The following SLITRK3 variants were observed in gnomAD, a reference collection of about 807,000 sequenced individuals.
The protein encoded by SLITRK3 is SLIT and NTRK like family member 3, also known as SLIT and NTRK-like protein 3.
Under a neutral mutation model 63.6 loss-of-function variants are expected in SLITRK3, and 16 were observed. The ratio of observed to expected loss-of-function variants is 0.25; its 90% CI spans 0.17 to 0.38. The LOEUF (loss-of-function observed/expected upper bound fraction) is 0.38, where lower values mean the gene tolerates loss of function less well. Ranked by LOEUF, SLITRK3 falls within the 10% of genes least tolerant of loss-of-function variation. SLITRK3 has a pLI of 1.00. For synonymous variants in SLITRK3, 547 were observed against 451.6 expected (o/e 1.21, Z -2.68); for missense variants, 1,117 against 1,181.4 (o/e 0.95, Z 0.80).
intron 1 of SLITRK3, among the ~76,000 whole-genome samples, chr3:165,195,340 A>G (rs1034796861): frequency 2.0e-5 from 3 of 152,074 alleles, no homozygotes; most frequent in African/African-American, 4.8e-5. Context: ...TATTTGTTGG[A>G]GTTACTTACG....
Position 165,187,791 on chromosome 3 carries a change from G to T in SLITRK3, c.*106C>A. 1 of 913,904 alleles carries T rather than the reference G, an allele frequency of 1.1e-6. No individual in the cohort carries two copies. Among genetic ancestry groups the T allele is most frequent in the Non-Finnish European group, 1.7e-6 (1 of 600,794 alleles). The allele number at this position is 913,904 out of a possible 1,614,324, so 56.6% of individuals were successfully genotyped here. ...TTTTGTTCAGGGTAGGAAAGATCGT[G>T]AGGATGGAGTTACTGGGACAAGTGT... On this transcript the variant is annotated 3_prime_UTR_variant, in exon 2 of 2. Transcript: ENST00000475390.
In SLITRK3 at chr3:165,190,773, G is replaced by A. The variant is rs770336223; in HGVS notation, c.58C>T (p.Leu20=). 5 of 1,612,448 alleles carry A rather than the reference G, an allele frequency of 3.1e-6. No individual in the cohort carries two copies. The highest frequency in any genetic ancestry group is 4.2e-6 in the Non-Finnish European group (5 of 1,179,414). ...GTCCATCCTAGAGCAATTGTGCTTAGAAGAATTATCCACAACATCCTTCCT... is the reference window on the plus strand; with the variant it reads ...GTCCATCCTAGAGCAATTGTGCTTAAAAGAATTATCCACAACATCCTTCCT... The part of the protein sequence containing the change: ...HRGRMLWIIL[L]STIALGWTTP... Residue 20 remains leucine, a synonymous_variant, in exon 2 of 2, where the codon CTA becomes TTA. Transcript: ENST00000475390.
intron 1 of SLITRK3, 135 bp from the exon 2 acceptor site, chr3:165,190,986 G>C: frequency 1.7e-6 from 1 of 602,546 alleles, no homozygotes; most frequent in African/African-American, 1.8e-5. Flanking sequence ...AGATGAGCTA[G>C]CAACATACTT....
At chr3:165,196,897 G>GTCTCTGTCTCTCTCTCTCTCTCTCTC (rs1553792802), upstream of SLITRK3, 2 of 96,528 alleles carry the variant, frequency 2.1e-5, no homozygotes, top group South Asian at 4.5e-4. Context: ...CTCTCTCTCT[G>GTCTCTGTCTCTCTCTCTCTCTCTCTC]TCTCTCTCTC....
In SLITRK3 at chr3:165,190,203, C is replaced by A. The variant is rs1576970039; in HGVS notation, c.628G>T (p.Val210Phe). 5.6e-6 allele frequency: 9 copies of A among 1,614,200 alleles called. No individual in the cohort carries two copies. The highest frequency in any genetic ancestry group is 7.6e-6 in the Non-Finnish European group (9 of 1,180,030). The change falls in exon 2 of 2, where the codon GTT becomes TTT. Residue 210 changes from valine to phenylalanine, a missense_variant. Coordinates refer to ENST00000475390, the MANE Select transcript of SLITRK3 (RefSeq NM_001318810.2). ...HLDLRGNRLKVLFYRGMLDHI... is the reference protein window; with the variant it reads ...HLDLRGNRLKFLFYRGMLDHI... ...TCTAGCATTCCTCGGTAAAAAAGAA[C>A]CTTTAACCTATTTCCACGTAGGTCC...
rs371654117 is a variant in SLITRK3, at chr3:165,191,140, A to G, written c.-21-289T>C. Among the ~76,000 whole-genome samples the G allele has an allele frequency of 2.6e-5, 4 of 152,342 alleles. No individual in the cohort carries two copies. In the East Asian group the frequency reaches 7.7e-4, roughly 29 times the overall value. On this transcript the variant is annotated intron_variant, in intron 1 of 1. Coordinates refer to ENST00000475390, the MANE Select transcript of SLITRK3 (RefSeq NM_001318810.2). ...AGCCTGCATTGCCTCTGTATAACAAACAACAGAACTGGTATATCGTACTTC... is the reference window on the plus strand; with the variant it reads ...AGCCTGCATTGCCTCTGTATAACAAGCAACAGAACTGGTATATCGTACTTC...
At position 165,187,349 on chromosome 3, in the gene SLITRK3, C is replaced by G. The variant is rs1041495991; in HGVS notation, c.*548G>C. On this transcript the variant is annotated 3_prime_UTR_variant, in exon 2 of 2. Coordinates refer to ENST00000475390, the MANE Select transcript of SLITRK3 (RefSeq NM_001318810.2). Reference sequence around the variant, plus strand: ...AAGATAGTGAGTGAGAACATTCGAGCAAGACCCGCCCCCTCCCTCCCCATC... The same window carrying G: ...AAGATAGTGAGTGAGAACATTCGAGGAAGACCCGCCCCCTCCCTCCCCATC... 6.6e-6 allele frequency: 1 copy of G among 152,138 alleles called. No individual in the cohort carries two copies. 9.4% of individuals were successfully genotyped at this position (152,138 alleles called of 1,614,324 possible). A position where few individuals can be genotyped will look rare whatever the true frequency, so the allele number is the denominator to read the frequency against.
Position 165,188,981 on chromosome 3 carries a change from A to G in SLITRK3, c.1850T>C (p.Val617Ala). 6.2e-7 allele frequency: 1 copy of G among 1,614,186 alleles called. No individual in the cohort carries two copies. Among genetic ancestry groups the G allele is most frequent in the Non-Finnish European group, 8.5e-7 (1 of 1,180,026 alleles). The change falls in exon 2 of 2, where the codon GTT becomes GCT. Residue 617 changes from valine to alanine, a missense_variant. Physicochemically the swap from Val to Ala is moderately conservative, Grantham distance 64. This residue lies in a region of SLITRK3 where 499 missense variants were observed against 463.6 expected (regional missense o/e 1.08). Coordinates refer to ENST00000475390, the MANE Select transcript of SLITRK3 (RefSeq NM_001318810.2). ...GGCTGGGGATTCTCCAGCTGGTGCA[A>G]CGTGCAGCATCTCTGGGCAAAGAAC... Reference protein sequence around the residue: ...LEVLCPEMLHVAPAGESPAQP... With the variant: ...LEVLCPEMLHAAPAGESPAQP...
chr3:165,190,575 T>A lies in SLITRK3; in HGVS notation c.256A>T (p.Arg86Trp). The change falls in exon 2 of 2, where the codon AGG (arginine) becomes TGG (tryptophan). Residue 86 changes from arginine to tryptophan, a missense_variant. Physicochemically the swap from Arg to Trp is moderately radical, Grantham distance 101. This residue lies in a region of SLITRK3 where 452 missense variants were observed against 495.3 expected (regional missense o/e 0.91). Coordinates refer to ENST00000475390, the MANE Select transcript of SLITRK3 (RefSeq NM_001318810.2). ...GTATATAATTTCCTCATAGAATTCC[T>A]CTGCAGATACAGTTTAAAAGGTCTT... ...WSRPFKLYLQ[R>W]NSMRKLYTNS... The A allele has an allele frequency of 2.5e-6, 4 of 1,613,976 alleles. No individual in the cohort carries two copies. Among genetic ancestry groups the A allele is most frequent in the Non-Finnish European group, 1.7e-6 (2 of 1,179,988 alleles).
chr3:165,196,683 C>T (rs1423797613), upstream of SLITRK3: 2 of 152,208 alleles, frequency 1.3e-5, no homozygotes, highest in Admixed American at 6.5e-5. Flanking sequence ...ATCCATCAGC[C>T]GCCCCCAAAT....
Position 165,188,758 on chromosome 3 carries a change from C to T in SLITRK3, c.2073G>A (p.Lys691=). The change falls in exon 2 of 2, where the codon AAG becomes AAA. Residue 691 remains lysine, a synonymous_variant. Coordinates refer to ENST00000475390, the MANE Select transcript of SLITRK3 (RefSeq NM_001318810.2). ...RRRKKLPFRS[K]RQEGVDLTGI... ...CAGTAAGGTCCACACCTTCCTGCCG[C>T]TTGCTTCTGAAGGGCAGCTTCTTTC... The T allele has an allele frequency of 1.2e-6, 2 of 1,614,180 alleles. No homozygotes were observed. Among genetic ancestry groups the T allele is most frequent in the African/African-American group, 1.3e-5 (1 of 75,034 alleles).
Position 165,189,645 on chromosome 3 carries a change from C to G in SLITRK3, c.1186G>C (p.Gly396Arg). 1 of 1,614,146 alleles carries G rather than the reference C, an allele frequency of 6.2e-7. No homozygotes were observed. The highest frequency in any genetic ancestry group is 8.5e-7 in the Non-Finnish European group (1 of 1,180,040). ...LGLTVNCKER[G>R]FNNISELLPR... is the part of the protein sequence containing the mutation. ...AGAAGTTCAGAAATGTTATTAAATC[C>G]TCGCTCTTTGCAGTTGACAGTCAAG... The change falls in exon 2 of 2, where the codon GGA becomes CGA. Residue 396 changes from glycine (G) to arginine (R), a missense_variant. Gly to Arg is a moderately radical substitution (Grantham distance 125). Coordinates refer to ENST00000475390, the MANE Select transcript of SLITRK3 (RefSeq NM_001318810.2). The surrounding 1 kb of genome is among the most constrained non-coding windows in gnomAD (Gnocchi z 4.0).
In SLITRK3 at chr3:165,189,859, G is replaced by A. The variant is rs762056590; in HGVS notation, c.972C>T (p.Val324=). 5.0e-6 allele frequency: 8 copies of A among 1,614,106 alleles called. No individual in the cohort carries two copies. The highest frequency in any genetic ancestry group is 4.5e-5 in the East Asian group (2 of 44,866). The change falls in exon 2 of 2, where the codon GTC becomes GTT. Residue 324 remains valine, a synonymous_variant. Transcript: ENST00000475390. This position sits in a 1 kb window ranked among gnomAD's most constrained non-coding sequence, Gnocchi z 4.0. ...LSSVHFTASS[V]EYKSSNKQPK... ...GCTGTTTATTTGAGGACTTGTATTC[G>A]ACAGAAGAAGCAGTAAAATGAACAG...
In SLITRK3 at chr3:165,188,115, T is replaced by C. The variant is rs1718027258; in HGVS notation, c.2716A>G (p.Thr906Ala). 1 of 1,613,532 alleles carries C rather than the reference T, an allele frequency of 6.2e-7. No individual in the cohort carries two copies. Among genetic ancestry groups the C allele is most frequent in the African/African-American group, 1.3e-5 (1 of 74,756 alleles). The change falls in exon 2 of 2, where the codon ACA becomes GCA. Residue 906 changes from threonine (T) to alanine (A), a missense_variant. By Grantham distance (58) the Thr-to-Ala change is moderately conservative. Around this residue, in one of 4 missense-constraint regions of SLITRK3, gnomAD observed 499 missense variants for 463.6 expected, o/e 1.08. Coordinates refer to ENST00000475390, the MANE Select transcript of SLITRK3 (RefSeq NM_001318810.2). The stretch of plus-strand genomic sequence containing the variant: ...TGCAGTTCCTTTAATTTGGGCACTG[T>C]TCCATAGAGACAGTCCACAAATCCC... ...TVGFVDCLYGTVPKLKELHVH... is the reference protein window; with the variant it reads ...TVGFVDCLYGAVPKLKELHVH...
chr3:165,191,804 T>G (rs1294214481), intron 1 of SLITRK3, among the ~76,000 whole-genome samples: 1 of 151,794 alleles, frequency 6.6e-6, no homozygotes, highest in African/African-American at 2.4e-5. Flanking sequence ...AGAGGGGAGG[T>G]GGGTAGTTAA....
rs749272410 is a variant in SLITRK3, at chr3:165,190,623, T to G, written c.208A>C (p.Ser70Arg). 1.9e-6 allele frequency: 3 copies of G among 1,613,952 alleles called. No homozygotes were observed. The change falls in exon 2 of 2, where the codon AGT (serine) becomes CGT (arginine). Residue 70 changes from serine (S) to arginine (R), a missense_variant. Around this residue, in one of 4 missense-constraint regions of SLITRK3, gnomAD observed 452 missense variants for 495.3 expected, o/e 0.91. Coordinates refer to ENST00000475390, the MANE Select transcript of SLITRK3 (RefSeq NM_001318810.2). ...CTTGACCAGAACTCGGTAATCTGAC[T>G]AATATTTGTAAATCCTTTACTGTCA... is the stretch of plus-strand genomic sequence containing the variant. ...HCDSKGFTNI[S>R]QITEFWSRPF...
rs1718003279 is a variant in SLITRK3, at chr3:165,187,673, A to G, written c.*224T>C. The G allele has an allele frequency of 7.2e-6, 3 of 414,538 alleles. No homozygotes were observed. Among genetic ancestry groups the G allele is most frequent in the African/African-American group, 2.0e-5 (1 of 49,912 alleles). 25.7% of individuals were successfully genotyped at this position (414,538 alleles called of 1,614,324 possible). A position where few individuals can be genotyped will look rare whatever the true frequency, so the allele number is the denominator to read the frequency against. On this transcript the variant is annotated 3_prime_UTR_variant, in exon 2 of 2. Transcript: ENST00000475390. ...GGCAAAAGTCTGCGAAGGCACTTTC[A>G]TTGATTAATGATCTGAGTATGGCCC...
rs763292363 is a variant in SLITRK3, at chr3:165,188,868, C to T, written c.1963G>A (p.Val655Met). The T allele has an allele frequency of 6.2e-7, 1 of 1,614,138 alleles. No individual in the cohort carries two copies. Residue 655 changes from valine to methionine, a missense_variant, in exon 2 of 2, where the codon GTG (valine) becomes ATG (methionine). Val to Met is a conservative substitution (Grantham distance 21, BLOSUM62 1). Around this residue, in one of 4 missense-constraint regions of SLITRK3, gnomAD observed 499 missense variants for 463.6 expected, o/e 1.08. Transcript: ENST00000475390. ...SPPGGPVPLS[V>M]LILSLLVLFF... ...AGAACCAGCAGGCTGAGAATTAACA[C>T]AGAAAGTGGCACAGGGCCCCCAGGA...
In SLITRK3 at chr3:165,190,593, A is replaced by G. The variant is rs758716759; in HGVS notation, c.238T>C (p.Phe80Leu). The change falls in exon 2 of 2, where the codon TTT becomes CTT. Residue 80 changes from phenylalanine to leucine, a missense_variant. This residue lies in a region of SLITRK3 where 452 missense variants were observed against 495.3 expected (regional missense o/e 0.91). Coordinates refer to ENST00000475390, the MANE Select transcript of SLITRK3 (RefSeq NM_001318810.2). ...GAATTCCTCTGCAGATACAGTTTAA[A>G]AGGTCTTGACCAGAACTCGGTAATC... is the stretch of plus-strand genomic sequence containing the variant. Reference protein sequence around the residue: ...SQITEFWSRPFKLYLQRNSMR... With the variant: ...SQITEFWSRPLKLYLQRNSMR... The G allele has an allele frequency of 7.4e-6, 12 of 1,613,978 alleles. No individual in the cohort carries two copies. Among genetic ancestry groups the G allele is most frequent in the South Asian group, 1.1e-5 (1 of 91,076 alleles).
Sources: allele counts gnomAD v4.1 joint callset (sites outside exome capture counted in the v4.1 genomes callset), GRCh38; gene constraint gnomAD v4.1.1; regional missense constraint gnomAD v4.1.1; non-coding constraint Gnocchi (gnomAD v3.1); transcripts MANE v1.5; gene names NCBI Gene and HGNC (gene_info 2026-07-23, HGNC 2026-07-21).